TCP11L2: variants seen among roughly 807,000 people sequenced by gnomAD.
The protein encoded by TCP11L2 is t-complex 11 like 2.
TCP11L2 carries 39 observed loss-of-function variants against 50.7 expected under a neutral mutation model. That is an observed-to-expected ratio of 0.77 (90% CI 0.60 to 1.01). TCP11L2 has a LOEUF of 1.01. Ranked by LOEUF, TCP11L2 falls within the 50% of genes least tolerant of loss-of-function variation. The pLI is 0.00. For synonymous variants in TCP11L2, 192 were observed against 219.3 expected (o/e 0.88, Z 1.10); for missense variants, 612 against 614.7 (o/e 1.00, Z 0.05).
chr12:106,339,158 AG>A (rs1047207070), intron 8 of TCP11L2, among the ~76,000 whole-genome samples: 4 of 152,136 alleles, frequency 2.6e-5, no homozygotes, highest in African/African-American at 9.6e-5. Context: ...AGAAAAGAAA[AG>A]AAAAAAATAG....
upstream of TCP11L2, among the ~76,000 whole-genome samples, chr12:106,299,160 T>C (rs1452905039): frequency 6.6e-6 from 1 of 151,932 alleles, no homozygotes; most frequent in African/African-American, 2.4e-5. Flanking sequence ...TACAATGGAG[T>C]CACATCTTAC....
intron 8 of TCP11L2, among the ~76,000 whole-genome samples, chr12:106,338,347 CTGTTG>C (rs2035987441): frequency 1.4e-5 from 1 of 72,770 alleles, no homozygotes; most frequent in Non-Finnish European, 3.5e-5. Context: ...GAGCCAGTAT[CTGTTG>C]TTCCCCTTTA....
intron 6 of TCP11L2, chr12:106,324,414 G>A (rs2035466929): frequency 6.6e-6 from 1 of 152,180 alleles, no homozygotes; most frequent in South Asian, 2.1e-4. Context: ...TAAGAGATGA[G>A]GCTGAAAAGG....
chr12:106,322,351 G>A (rs1235335676), intron 5 of TCP11L2, among the ~76,000 whole-genome samples: 1 of 152,160 alleles, frequency 6.6e-6, no homozygotes, highest in Non-Finnish European at 1.5e-5. Flanking sequence ...CAGCCCAGAA[G>A]TGACACATTC....
rs1027733235 is a variant in TCP11L2, at chr12:106,313,472, C to T, written c.158-886C>T. ...GACATGTGCCTGTAATCCAGCTACT[C>T]GAGAGGCTGAGGCAGGAGAATCTCT... On this transcript the variant is annotated intron_variant, in intron 2 of 9. Transcript: ENST00000299045. 4.0e-5 allele frequency among the ~76,000 whole-genome samples: 6 copies of T among 151,748 alleles called. No individual in the cohort carries two copies. The East Asian group carries it at 5.8e-4, about 15-fold the overall frequency.
In TCP11L2 at chr12:106,318,231, AATT is replaced by A. The variant is rs1191932742; in HGVS notation, c.294-109_294-107del. 14 of 1,262,494 alleles carry A rather than the reference AATT, an allele frequency of 1.1e-5. No individual in the cohort carries two copies. In the Admixed American group the frequency reaches 1.6e-4, roughly 15 times the overall value. 78.2% of individuals were successfully genotyped at this position (1,262,494 alleles called of 1,614,324 possible). ...ATTAAAAGATTAATGGATTAAGGACAATTATTCTGTGTTTTTTTTACATTTTAT... is the reference window on the plus strand; with the variant it reads ...ATTAAAAGATTAATGGATTAAGGACAATTCTGTGTTTTTTTTACATTTTAT... On this transcript the variant is annotated intron_variant, in intron 3 of 9. Coordinates refer to ENST00000299045, the MANE Select transcript of TCP11L2 (RefSeq NM_152772.3).
At chr12:106,328,678 C>A (rs755675963) in intron 6 of TCP11L2, among the ~76,000 whole-genome samples, 2 of 152,188 alleles carry the variant, frequency 1.3e-5, no homozygotes, top group African/African-American at 2.4e-5. Context: ...GTTATATTAC[C>A]TGAGTTGTAT....
intron 4 of TCP11L2, among the ~76,000 whole-genome samples, chr12:106,320,004 C>G (rs1042958859): frequency 5.3e-5 from 8 of 152,238 alleles, no homozygotes; most frequent in Admixed American, 2.0e-4. Context: ...GCACCTTGTT[C>G]TTTCTTCCCT....
chr12:106,309,818 G>C (rs2034778464), intron 1 of TCP11L2, among the ~76,000 whole-genome samples: 1 of 151,940 alleles, frequency 6.6e-6, no homozygotes, highest in Non-Finnish European at 1.5e-5. Flanking sequence ...GGCACTTGTT[G>C]AATATTAATG....
chr12:106,331,619 A>T (rs563822304), intron 6 of TCP11L2, among the ~76,000 whole-genome samples: 5 of 152,216 alleles, frequency 3.3e-5, no homozygotes, highest in African/African-American at 1.2e-4. Flanking sequence ...TTGAATCTTT[A>T]CCACAGCTTC....
intron 2 of TCP11L2, among the ~76,000 whole-genome samples, chr12:106,314,135 G>T (rs1224231542): frequency 1.3e-5 from 2 of 152,122 alleles, no homozygotes; most frequent in Non-Finnish European, 2.9e-5. Context: ...AAATATTTGA[G>T]ACAATGTTAT....
chr12:106,331,358 C>CA (rs1565855830), intron 6 of TCP11L2, among the ~76,000 whole-genome samples: 1 of 151,948 alleles, frequency 6.6e-6, no homozygotes, highest in African/African-American at 2.4e-5. Context: ...GCCAAGTTCC[C>CA]AAAAAAGCTC....
chr12:106,309,579 G>T (rs920245498), intron 1 of TCP11L2, among the ~76,000 whole-genome samples: 4 of 151,696 alleles, frequency 2.6e-5, no homozygotes, highest in African/African-American at 9.7e-5. Context: ...ACCATCCAAG[G>T]AATTAAAAAA....
chr12:106,307,205 A>G (rs1394912401), intron 1 of TCP11L2: 1 of 152,256 alleles, frequency 6.6e-6, no homozygotes, highest in African/African-American at 2.4e-5. Flanking sequence ...AGAAGAAATG[A>G]CATTATATTT....
intron 6 of TCP11L2, chr12:106,329,917 GGTGGTGTTGCTTTAGT>G (rs2035687522): frequency 2.0e-6 from 2 of 985,796 alleles, no homozygotes. Context: ...AAATTCTGGG[GGTGGTGTTGCTTTAGT>G]GTGGCAAACA....
At chr12:106,322,755 G>A (rs745957517) in intron 5 of TCP11L2, among the ~76,000 whole-genome samples, 2 of 152,204 alleles carry the variant, frequency 1.3e-5, no homozygotes, top group Non-Finnish European at 2.9e-5. Flanking sequence ...ATCTTGGGCA[G>A]GTTAATAGAC....
At chr12:106,340,794 T>C in intron 8 of TCP11L2, 32 bp from the exon 9 acceptor site, 3 of 1,544,882 alleles carry the variant, frequency 1.9e-6, no homozygotes, top group East Asian at 2.3e-5. Flanking sequence ...ACAAAAACTT[T>C]CCCTGGTGGA....
At chr12:106,313,346 C>T (rs2034931182) in intron 2 of TCP11L2, among the ~76,000 whole-genome samples, 1 of 152,050 alleles carries the variant, frequency 6.6e-6, no homozygotes. Flanking sequence ...GCACTTTGGC[C>T]AAGGCAGGCA....
chr12:106,314,378 GT>G lies in TCP11L2; in HGVS notation c.179del (p.Val60GlufsTer6), dbSNP rs759741593. 1 of 1,612,052 alleles carries G rather than the reference GT, an allele frequency of 6.2e-7. No individual in the cohort carries two copies. The highest frequency in any genetic ancestry group is 1.3e-5 in the African/African-American group (1 of 75,044). ...SPASTSPPRV[V>X]TFDEVMATAR... is the part of the protein sequence containing the mutation. ...TTCAGCAACAAGCCCTCCAAGGGTT[GT>G]AACATTTGATGAAGTGATGGCTACA... On this transcript the variant is annotated frameshift_variant, in exon 3 of 10. Coordinates refer to ENST00000299045, the MANE Select transcript of TCP11L2 (RefSeq NM_152772.3). LOFTEE classifies it high-confidence loss of function.
Sources: allele counts gnomAD v4.1 joint callset (sites outside exome capture counted in the v4.1 genomes callset), GRCh38; gene constraint gnomAD v4.1.1; transcripts MANE v1.5; gene names NCBI Gene and HGNC (gene_info 2026-07-23, HGNC 2026-07-21).